The following MTUS2 variants were observed in gnomAD, a reference collection of about 807,000 sequenced individuals.
MTUS2 encodes microtubule-associated tumor suppressor candidate 2.
Under a neutral mutation model 114.1 loss-of-function variants are expected in MTUS2, and 40 were observed. The observed-to-expected ratio is 0.35, with a 90% CI of 0.27 to 0.46. The LOEUF (loss-of-function observed/expected upper bound fraction) is 0.46, where lower values mean the gene tolerates loss of function less well. MTUS2 is among the 20% of genes least tolerant of loss of function. The probability of loss-of-function intolerance (pLI) is 1.00; values close to 1 mark genes in which losing one functional copy is unlikely to be tolerated. For synonymous variants in MTUS2, 688 were observed against 672.0 expected (o/e 1.02, Z -0.37); for missense variants, 1,679 against 1,705.4 (o/e 0.98, Z 0.27).
intron 6 of MTUS2, among the ~76,000 whole-genome samples, chr13:29,292,455 T>C (rs955267656): frequency 1.3e-5 from 2 of 152,172 alleles, no homozygotes; most frequent in Non-Finnish European, 2.9e-5. Context: ...GCGACTTGGA[T>C]TCAAAGATAA....
chr13:29,149,045 C>T (rs540908480), intron 5 of MTUS2, among the ~76,000 whole-genome samples: 1 of 152,064 alleles, frequency 6.6e-6, no homozygotes, highest in Non-Finnish European at 1.5e-5. Flanking sequence ...TGGGTATGTA[C>T]CCAGTAATGA....
intron 2 of MTUS2, among the ~76,000 whole-genome samples, chr13:28,900,051 C>T (rs1012517518): frequency 6.6e-6 from 1 of 151,876 alleles, no homozygotes; most frequent in Non-Finnish European, 1.5e-5. Flanking sequence ...CCATGCCTGA[C>T]TAATTTTTAT....
intron 9 of MTUS2, among the ~76,000 whole-genome samples, chr13:29,448,089 C>A (rs1325846728): frequency 6.6e-6 from 1 of 152,080 alleles, no homozygotes; most frequent in Non-Finnish European, 1.5e-5. Context: ...CTCTCCCTAG[C>A]CAAGCTGAGA....
At chr13:29,276,278 T>C in intron 5 of MTUS2, among the ~76,000 whole-genome samples, 1 of 152,220 alleles carries the variant, frequency 6.6e-6, no homozygotes, top group East Asian at 1.9e-4. Context: ...GTTCATGTAT[T>C]GAACTGGACC....
chr13:29,186,694 C>T (rs980422910), intron 5 of MTUS2, among the ~76,000 whole-genome samples: 9 of 152,260 alleles, frequency 5.9e-5, no homozygotes, highest in African/African-American at 2.2e-4. Flanking sequence ...CAGTATTCCA[C>T]TTTCAATAAT....
At chr13:29,013,356 G>A (rs1885932094) in intron 2 of MTUS2, among the ~76,000 whole-genome samples, 1 of 151,988 alleles carries the variant, frequency 6.6e-6, no homozygotes, top group African/African-American at 2.4e-5. Flanking sequence ...CAAAGCCAGT[G>A]TTCTTGTTGC....
intron 3 of MTUS2, 85 bp downstream of exon 3, chr13:29,026,988 T>A: frequency 7.4e-7 from 1 of 1,354,902 alleles, no homozygotes; most frequent in Non-Finnish European, 9.9e-7. Flanking sequence ...GAAAGTAAAA[T>A]GTCCTCTTTA....
At chr13:29,184,157 T>C (rs1208129602) in intron 5 of MTUS2, among the ~76,000 whole-genome samples, 1 of 152,222 alleles carries the variant, frequency 6.6e-6, no homozygotes, top group African/African-American at 2.4e-5. Context: ...CTGTTTTTTT[T>C]CGGTAAAATT....
At chr13:29,370,631 C>T (rs1211735373) in intron 8 of MTUS2, among the ~76,000 whole-genome samples, 1 of 152,156 alleles carries the variant, frequency 6.6e-6, no homozygotes, top group Non-Finnish European at 1.5e-5. Context: ...GAATAAGCTA[C>T]ACCAGATGCC....
chr13:28,881,222 C>T (rs1055545783), intron 2 of MTUS2, among the ~76,000 whole-genome samples: 2 of 152,086 alleles, frequency 1.3e-5, no homozygotes, highest in African/African-American at 4.8e-5. Context: ...TGAGAACATG[C>T]GGTATTTGAT....
chr13:29,404,389 C>T (rs1874597731), intron 8 of MTUS2, among the ~76,000 whole-genome samples: 2 of 151,366 alleles, frequency 1.3e-5, no homozygotes, highest in South Asian at 2.1e-4. Flanking sequence ...GGCATGGTGG[C>T]GGGTGCCTGT....
chr13:29,225,680 T>C (rs2139339567), intron 5 of MTUS2, among the ~76,000 whole-genome samples: 1 of 152,368 alleles, frequency 6.6e-6, no homozygotes, highest in East Asian at 1.9e-4. Flanking sequence ...CAAAATGTTT[T>C]TACCAGTTTA....
intron 4 of MTUS2, chr13:29,071,945 T>TGGGG (rs947711253): frequency 6.6e-6 from 1 of 151,852 alleles, no homozygotes; most frequent in Admixed American, 6.6e-5. Flanking sequence ...AGATGGTGGG[T>TGGGG]GGGGGTATAT....
chr13:29,053,439 A>G (rs769072250), intron 4 of MTUS2, among the ~76,000 whole-genome samples: 8 of 152,198 alleles, frequency 5.3e-5, no homozygotes, highest in Admixed American at 3.9e-4. Context: ...CCCAGTTCAC[A>G]GTGTCCCCTT....
intron 5 of MTUS2, among the ~76,000 whole-genome samples, chr13:29,259,970 C>T (rs972296608): frequency 1.3e-5 from 2 of 152,218 alleles, no homozygotes; most frequent in African/African-American, 4.8e-5. Flanking sequence ...TGTGGCAGCA[C>T]CTGCCATGGT....
rs556924780 is a variant in MTUS2 at position 28,908,403 on chromosome 13, G to A, written c.-243+68553G>A. Among the ~76,000 whole-genome samples, 34 of 151,424 alleles carry A rather than the reference G, an allele frequency of 2.2e-4. 1 individual carries two copies. Among genetic ancestry groups the A allele is most frequent in the African/African-American group, 7.6e-4 (31 of 41,042 alleles). On this transcript the variant is annotated intron_variant, in intron 2 of 15. Transcript: ENST00000612955. Reference sequence around the variant, plus strand: ...GAGAACATGCAGTGTTTGGTTTTCTGTCCTTGTGATAGTTTGCTGAGAATG... The same window carrying A: ...GAGAACATGCAGTGTTTGGTTTTCTATCCTTGTGATAGTTTGCTGAGAATG...
At position 29,505,194 on chromosome 13, in the gene MTUS2, G is replaced by A. The variant is rs1883151955; in HGVS notation, c.*1988G>A. The A allele has an allele frequency of 4.3e-6, 1 of 231,866 alleles. No individual in the cohort carries two copies. Among genetic ancestry groups the A allele is most frequent in the Non-Finnish European group, 8.6e-6 (1 of 116,908 alleles). 14.4% of individuals were successfully genotyped at this position (231,866 alleles called of 1,614,324 possible). Reference sequence around the variant, plus strand: ...TTTATTCTAGTAGCAGGCACAACCTGCAAACACAAATTCAGTTACAGCTTA... The same window carrying A: ...TTTATTCTAGTAGCAGGCACAACCTACAAACACAAATTCAGTTACAGCTTA... On this transcript the variant is annotated 3_prime_UTR_variant, in exon 16 of 16. Transcript: ENST00000612955.
chr13:29,324,268 G>GCA (rs1388725430), intron 6 of MTUS2, among the ~76,000 whole-genome samples: 1 of 152,196 alleles, frequency 6.6e-6, no homozygotes, highest in African/African-American at 2.4e-5. Context: ...AGAGAGGCAG[G>GCA]CAGACTAAAT....
At chr13:29,364,115 G>A (rs944147735) in intron 8 of MTUS2, among the ~76,000 whole-genome samples, 3 of 152,112 alleles carry the variant, frequency 2.0e-5, no homozygotes, top group African/African-American at 7.2e-5. Flanking sequence ...TGTATTAAGG[G>A]GGGAAACGCA....
Sources: allele counts gnomAD v4.1 joint callset (sites outside exome capture counted in the v4.1 genomes callset), GRCh38; gene constraint gnomAD v4.1.1; transcripts MANE v1.5; gene names NCBI Gene and HGNC (gene_info 2026-07-23, HGNC 2026-07-21).